Variants in MAEL observed in about 807,000 individuals in gnomAD.
The protein encoded by MAEL is maelstrom spermatogenic transposon silencer, also known as protein maelstrom homolog.
In MAEL, 46 loss-of-function variants were observed where a neutral mutation model predicts 62.0. That is an observed-to-expected ratio of 0.74 (90% CI 0.59 to 0.95). The LOEUF (loss-of-function observed/expected upper bound fraction) is 0.95, where lower values mean the gene tolerates loss of function less well. Among genes scored for constraint, MAEL ranks in the 40% least tolerant of loss-of-function variants. The probability of loss-of-function intolerance (pLI) is 0.00; values close to 1 mark genes in which losing one functional copy is unlikely to be tolerated. For missense variants in MAEL, 497 were observed against 526.8 expected, an observed-to-expected ratio of 0.94 and a Z score of 0.55; for synonymous variants, 172 against 175.5, an observed-to-expected ratio of 0.98 and a Z score of 0.16.
intron 3 of MAEL, 26 bp from the exon 4 acceptor site, chr1:166,992,660 C>T: frequency 6.5e-7 from 1 of 1,530,178 alleles, no homozygotes; most frequent in Non-Finnish European, 8.8e-7. Context: ...TTCATTTATT[C>T]ATTTTATCTT....
chr1:166,989,298 G>C lies in MAEL; in HGVS notation c.-55G>C. On this transcript the variant is annotated 5_prime_UTR_variant, in exon 1 of 12. Transcript: ENST00000367872. ...CTCTGTTACTTAGGGCGGGAGCCCG[G>C]CGAGGGCGCCGGTGCTTTGTTCTGT... 6.4e-7 allele frequency: 1 copy of C among 1,567,596 alleles called. No individual in the cohort carries two copies. Among genetic ancestry groups the C allele is most frequent in the Non-Finnish European group, 8.7e-7 (1 of 1,155,136 alleles).
intron 5 of MAEL, among the ~76,000 whole-genome samples, chr1:166,999,780 G>C (rs1664583787): frequency 6.6e-6 from 1 of 152,140 alleles, no homozygotes; most frequent in African/African-American, 2.4e-5. Context: ...TAATGCAGCT[G>C]GTGACTTTAA....
upstream of MAEL, among the ~76,000 whole-genome samples, chr1:166,986,409 CAG>C (rs1663914232): frequency 6.6e-6 from 1 of 152,102 alleles, no homozygotes; most frequent in South Asian, 2.1e-4. Context: ...ACATGGGAGA[CAG>C]AAGTGGGACG....
At chr1:166,993,942 G>T in intron 4 of MAEL, 86 bp from the exon 5 acceptor site, 1 of 952,406 alleles carries the variant, frequency 1.0e-6, no homozygotes, top group Non-Finnish European at 1.6e-6. Flanking sequence ...CTTTCTGTGT[G>T]ATAACTTGGT....
At chr1:167,020,959 G>A (rs1665603306) in intron 10 of MAEL, 126 bp from the exon 11 acceptor site, 1 of 743,866 alleles carries the variant, frequency 1.3e-6, no homozygotes, top group East Asian at 2.7e-5. Flanking sequence ...AAATTGATAA[G>A]ACATTGGAAA....
At chr1:166,982,627 C>T (rs988166597) in intron 1 of MAEL, among the ~76,000 whole-genome samples, 1 of 152,104 alleles carries the variant, frequency 6.6e-6, no homozygotes, top group Middle Eastern at 3.4e-3. Context: ...TTGCATAACA[C>T]GTACCTGGTT....
intron 5 of MAEL, among the ~76,000 whole-genome samples, chr1:166,999,993 T>G (rs546116549): frequency 9.2e-5 from 14 of 152,292 alleles, no homozygotes; most frequent in Non-Finnish European, 1.5e-5. Context: ...CTTTCAAAAT[T>G]TTACTGCTCA....
intron 5 of MAEL, among the ~76,000 whole-genome samples, chr1:166,995,323 C>A (rs1282615266): frequency 6.6e-6 from 1 of 151,974 alleles, no homozygotes; most frequent in Non-Finnish European, 1.5e-5. Context: ...TCACTGCAAC[C>A]TCCGCCTCCT....
chr1:167,010,915 C>T (rs1665145998), intron 8 of MAEL, among the ~76,000 whole-genome samples: 1 of 152,110 alleles, frequency 6.6e-6, no homozygotes, highest in Non-Finnish European at 1.5e-5. Context: ...AGTACAGGTT[C>T]TTTAATGAAT....
chr1:166,981,417 A>G (rs530503663), intron 1 of MAEL, among the ~76,000 whole-genome samples: 6 of 152,334 alleles, frequency 3.9e-5, no homozygotes, highest in Non-Finnish European at 7.3e-5. Context: ...TTAAAAACGA[A>G]TATGAATTCA....
chr1:166,977,616 G>A (rs988415395), intron 1 of MAEL, among the ~76,000 whole-genome samples: 16 of 152,178 alleles, frequency 1.1e-4, no homozygotes, highest in African/African-American at 3.6e-4. Context: ...GTGTCACAGT[G>A]CACAAAAGAG....
At chr1:166,978,123 G>A (rs944213346) in intron 1 of MAEL, among the ~76,000 whole-genome samples, 1 of 152,198 alleles carries the variant, frequency 6.6e-6, no homozygotes, top group Non-Finnish European at 1.5e-5. Flanking sequence ...GTTGAATCAG[G>A]AGACTTGGAG....
chr1:167,012,493 G>C (rs1318542313), intron 8 of MAEL: 1 of 152,162 alleles, frequency 6.6e-6, no homozygotes. Context: ...CCTCCTCTGT[G>C]CCAGAAGATG....
In MAEL at chr1:167,021,703, A is replaced by C. The variant is rs1204690792; in HGVS notation, c.1153A>C (p.Asn385His). ...ATCTAGGGCAAAAATTTCTGGCCAA[A>C]ACAGCAGCGTTCGGGGAAGAGGAAT... ...YPSRAKISGQ[N>H]SSVRGRGITR... The change falls in exon 12 of 12, where the codon AAC (asparagine) becomes CAC (histidine). Residue 385 changes from asparagine (N) to histidine (H), a missense_variant. By Grantham distance (68) the Asn-to-His change is moderately conservative. Coordinates refer to ENST00000367872, the MANE Select transcript of MAEL (RefSeq NM_032858.3). The C allele has an allele frequency of 6.2e-7, 1 of 1,611,272 alleles. No individual in the cohort carries two copies. The highest frequency in any genetic ancestry group is 1.1e-5 in the South Asian group (1 of 90,306).
intron 11 of MAEL, 98 bp downstream of exon 11, chr1:167,021,258 CT>C: frequency 1.2e-6 from 1 of 831,246 alleles, no homozygotes; most frequent in Non-Finnish European, 2.0e-6. Context: ...TCTAAATTAG[CT>C]TTAGGATATA....
intron 8 of MAEL, among the ~76,000 whole-genome samples, chr1:167,014,199 G>C (rs895770872): frequency 2.0e-5 from 3 of 152,060 alleles, no homozygotes; most frequent in Non-Finnish European, 2.9e-5. Flanking sequence ...TTTATTCTTT[G>C]CCTGTCATCT....
intron 5 of MAEL, among the ~76,000 whole-genome samples, chr1:166,999,584 G>A (rs769653314): frequency 1.3e-5 from 2 of 152,208 alleles, no homozygotes; most frequent in Admixed American, 6.5e-5. Flanking sequence ...TGACGTAGAC[G>A]CTGCAGCAAG....
At chr1:167,007,895 G>A (rs1264387512) in intron 8 of MAEL, among the ~76,000 whole-genome samples, 1 of 151,960 alleles carries the variant, frequency 6.6e-6, no homozygotes, top group Non-Finnish European at 1.5e-5. Flanking sequence ...TTGTTCAGAA[G>A]TTATTTAGGT....
chr1:167,004,062 T>C, intron 5 of MAEL, 118 bp from the exon 6 acceptor site: 1 of 817,362 alleles, frequency 1.2e-6, no homozygotes, highest in Non-Finnish European at 1.9e-6. Context: ...AACGGGGCTT[T>C]GTACAAGTAC....
Sources: allele counts gnomAD v4.1 joint callset (sites outside exome capture counted in the v4.1 genomes callset), GRCh38; gene constraint gnomAD v4.1.1; transcripts MANE v1.5; gene names NCBI Gene and HGNC (gene_info 2026-07-23, HGNC 2026-07-21).